Variants in RUNX2 observed in about 807,000 individuals in gnomAD.
RUNX2 encodes runt-related transcription factor 2.
In RUNX2, 10 loss-of-function variants were observed where a neutral mutation model predicts 51.7. The ratio of observed to expected loss-of-function variants is 0.19; its 90% CI spans 0.12 to 0.33. RUNX2 has a LOEUF of 0.33. RUNX2 is among the 10% of genes least tolerant of loss of function. The probability of loss-of-function intolerance (pLI) is 1.00; values close to 1 mark genes in which losing one functional copy is unlikely to be tolerated. For synonymous variants in RUNX2, 276 were observed against 273.6 expected, an observed-to-expected ratio of 1.01 and a Z score of -0.09; for missense variants, 562 against 691.3, an observed-to-expected ratio of 0.81 and a Z score of 2.10.
At chr6:45,437,696 CT>C (rs984279742) in intron 4 of RUNX2, among the ~76,000 whole-genome samples, 1 of 152,024 alleles carries the variant, frequency 6.6e-6, no homozygotes, top group African/African-American at 2.4e-5. Context: ...TACTGAGGAG[CT>C]TTTTTGGAAT....
intron 7 of RUNX2, among the ~76,000 whole-genome samples, chr6:45,519,794 G>A (rs368479672): frequency 0.2 from 15,039 of 74,858 alleles, 2,438 homozygotes; most frequent in African/African-American, 0.5. Flanking sequence ...ATATATATGT[G>A]TGTGTGTGTG....
At chr6:45,437,309 G>A (rs888909067) in intron 4 of RUNX2, among the ~76,000 whole-genome samples, 1 of 152,166 alleles carries the variant, frequency 6.6e-6, no homozygotes, top group African/African-American at 2.4e-5. Flanking sequence ...AGATTTAACA[G>A]CAAGGATGTA....
At chr6:45,379,025 G>A (rs1797147899) in intron 2 of RUNX2, among the ~76,000 whole-genome samples, 1 of 152,138 alleles carries the variant, frequency 6.6e-6, no homozygotes. Flanking sequence ...CTTGCCTATA[G>A]ATACTGTGAG....
At chr6:45,406,677 G>T (rs140798572) in intron 2 of RUNX2, among the ~76,000 whole-genome samples, 8 of 152,176 alleles carry the variant, frequency 5.3e-5, no homozygotes, top group Admixed American at 3.9e-4. Context: ...AAGTGCTGGG[G>T]TTAGCATTAC....
chr6:45,414,979 T>C (rs541090499), intron 2 of RUNX2, among the ~76,000 whole-genome samples: 17 of 152,190 alleles, frequency 1.1e-4, no homozygotes, highest in Admixed American at 1.0e-3. Flanking sequence ...TCTTCTTCTC[T>C]TTAAAATATA....
At chr6:45,340,709 A>G (rs10948230) in intron 2 of RUNX2, among the ~76,000 whole-genome samples, 20,518 of 152,138 alleles carry the variant, frequency 0.13, 1,597 homozygotes, top group East Asian at 0.26. Context: ...AATGTCCACA[A>G]TACACATATA....
intron 5 of RUNX2, among the ~76,000 whole-genome samples, chr6:45,449,871 TA>T (rs1281634228): frequency 2.0e-5 from 3 of 152,220 alleles, no homozygotes; most frequent in African/African-American, 7.2e-5. Context: ...AAATTAACTT[TA>T]AAAAATTGCA....
chr6:45,370,418 G>A (rs1187262618), intron 2 of RUNX2, among the ~76,000 whole-genome samples: 1 of 152,096 alleles, frequency 6.6e-6, no homozygotes, highest in East Asian at 1.9e-4. Flanking sequence ...TTGGGCCTAT[G>A]TTAAGTTTGA....
At chr6:45,336,407 C>T (rs1788561819) in intron 2 of RUNX2, among the ~76,000 whole-genome samples, 1 of 151,288 alleles carries the variant, frequency 6.6e-6, no homozygotes, top group African/African-American at 2.4e-5. Flanking sequence ...CATTATCACT[C>T]ACAAGTACCC....
At chr6:45,348,639 C>T (rs1162707193) in intron 2 of RUNX2, among the ~76,000 whole-genome samples, 1 of 146,186 alleles carries the variant, frequency 6.8e-6, no homozygotes, top group Non-Finnish European at 1.5e-5. Context: ...CCCACCACTG[C>T]ACTCCAGCCT....
At chr6:45,522,691 G>T (rs1801543978) in intron 7 of RUNX2, among the ~76,000 whole-genome samples, 1 of 152,244 alleles carries the variant, frequency 6.6e-6, no homozygotes, top group African/African-American at 2.4e-5. Flanking sequence ...ATTGGCCCAG[G>T]GCCTGGCCTT....
At chr6:45,429,407 A>G (rs1385422011) in intron 3 of RUNX2, among the ~76,000 whole-genome samples, 1 of 152,226 alleles carries the variant, frequency 6.6e-6, no homozygotes, top group East Asian at 1.9e-4. Context: ...CAGTATTTTC[A>G]AATGTTCACA....
chr6:45,539,211 G>GT (rs36060587), intron 7 of RUNX2, among the ~76,000 whole-genome samples: 69,971 of 150,756 alleles, frequency 0.46, 17,506 homozygotes, highest in African/African-American at 0.65. Flanking sequence ...AAATTGCCAG[G>GT]TTTTTTTTTC....
Position 45,458,386 on chromosome 6 carries a change from T to A in RUNX2, c.685+20335T>A, listed in dbSNP as rs1290709351. 2.0e-5 allele frequency among the ~76,000 whole-genome samples: 3 copies of A among 152,174 alleles called. No individual in the cohort carries two copies. The East Asian group carries it at 5.8e-4, about 29-fold the overall frequency. On this transcript the variant is annotated intron_variant, in intron 5 of 8. Transcript: ENST00000647337. ...CTTTTAGGCAATGAAGAGTATTTGTTAAGCATCTTACATTCTTGATGAAAC... is the reference window on the plus strand; with the variant it reads ...CTTTTAGGCAATGAAGAGTATTTGTAAAGCATCTTACATTCTTGATGAAAC...
chr6:45,469,936 C>A (rs1039387206), intron 5 of RUNX2, among the ~76,000 whole-genome samples: 1 of 152,158 alleles, frequency 6.6e-6, no homozygotes, highest in African/African-American at 2.4e-5. Flanking sequence ...ATCTTAACTC[C>A]GTCACGAACC....
intron 5 of RUNX2, among the ~76,000 whole-genome samples, chr6:45,465,388 A>G (rs1042386756): frequency 7.2e-4 from 109 of 152,114 alleles, no homozygotes; most frequent in African/African-American, 2.6e-3. Flanking sequence ...TTCTGCCTGG[A>G]TAATAAATAT....
intron 5 of RUNX2, among the ~76,000 whole-genome samples, chr6:45,457,332 A>C (rs1319161464): frequency 6.6e-6 from 1 of 152,194 alleles, no homozygotes; most frequent in Non-Finnish European, 1.5e-5. Context: ...GAAGGCTGCA[A>C]GTCAGGGCAG....
At chr6:45,429,381 A>G (rs922992621) in intron 3 of RUNX2, among the ~76,000 whole-genome samples, 2 of 152,240 alleles carry the variant, frequency 1.3e-5, no homozygotes, top group Non-Finnish European at 2.9e-5. Flanking sequence ...ATCCTGGCGA[A>G]TGTAGTCAAT....
At chr6:45,422,280 C>A (rs1037874986) in intron 2 of RUNX2, 79 of 352,414 alleles carry the variant, frequency 2.2e-4, no homozygotes, top group Non-Finnish European at 3.5e-4. Flanking sequence ...AGGCCAAACA[C>A]ACCCCCGCGC....
Sources: allele counts gnomAD v4.1 joint callset (sites outside exome capture counted in the v4.1 genomes callset), GRCh38; gene constraint gnomAD v4.1.1; transcripts MANE v1.5; gene names NCBI Gene and HGNC (gene_info 2026-07-23, HGNC 2026-07-21).